PDE6C: variants seen among roughly 807,000 people sequenced by gnomAD.
The protein encoded by PDE6C is phosphodiesterase 6C.
In PDE6C, 75 loss-of-function variants were observed where a neutral mutation model predicts 113.1. The observed-to-expected ratio is 0.66, with a 90% CI of 0.55 to 0.80. The LOEUF is 0.80. Ranked by LOEUF, PDE6C falls within the 30% of genes least tolerant of loss-of-function variation. The pLI is 0.00. For missense variants in PDE6C, 912 were observed against 1,038.6 expected (o/e 0.88, Z 1.67); for synonymous variants, 375 against 363.7 (o/e 1.03, Z -0.35).
chr10:93,661,362 T>C (rs2058665014), intron 18 of PDE6C, among the ~76,000 whole-genome samples: 1 of 152,190 alleles, frequency 6.6e-6, no homozygotes, highest in Non-Finnish European at 1.5e-5. Flanking sequence ...ATTACTCTTG[T>C]TCTTCACAAT....
chr10:93,651,990 A>G (rs2058611407), intron 15 of PDE6C, among the ~76,000 whole-genome samples: 1 of 151,870 alleles, frequency 6.6e-6, no homozygotes, highest in Admixed American at 6.6e-5. Flanking sequence ...CAAACAAAAA[A>G]CCCAACTTGT....
chr10:93,627,258 C>CAAAAAA (rs57142181), intron 7 of PDE6C, among the ~76,000 whole-genome samples: 68 of 52,440 alleles, frequency 1.3e-3, no homozygotes, highest in African/African-American at 2.3e-3. Context: ...TGAAACTCCA[C>CAAAAAA]AAAAAAAAAA....
chr10:93,629,151 G>T, intron 7 of PDE6C, 107 bp from the exon 8 acceptor site: 3 of 905,962 alleles, frequency 3.3e-6, no homozygotes, highest in Non-Finnish European at 5.6e-6. Flanking sequence ...GTCAAGAGCC[G>T]TGTAGAAAAT....
chr10:93,648,994 C>T (rs12220915), intron 15 of PDE6C, among the ~76,000 whole-genome samples: 1 of 152,138 alleles, frequency 6.6e-6, no homozygotes, highest in African/African-American at 2.4e-5. Flanking sequence ...CTCTTGCGGG[C>T]GTCATAGGCA....
intron 11 of PDE6C, 145 bp downstream of exon 11, chr10:93,637,208 T>C (rs754940439): frequency 1.6e-6 from 1 of 643,372 alleles, no homozygotes; most frequent in Non-Finnish European, 2.8e-6. Context: ...GAAAGAATTC[T>C]TCTAAAGATT....
Position 93,663,175 on chromosome 10 carries a change from A to G in PDE6C, c.2515A>G (p.Lys839Glu), listed in dbSNP as rs1183291315. Reference protein sequence around the residue: ...EAKKQEGGAEKAAEDSGGGDD... With the variant: ...EAKKQEGGAEEAAEDSGGGDD... ...AAAAAAGCAAGAAGGAGGAGCCGAA[A>G]AAGGTTAGATGGGCTCTGTTTTTGC... Residue 839 changes from lysine to glutamate, a missense_variant, in exon 21 of 22, where the codon AAA (lysine) becomes GAA (glutamate). Physicochemically the swap from Lys to Glu is moderately conservative, Grantham distance 56. Coordinates refer to ENST00000371447, the MANE Select transcript of PDE6C (RefSeq NM_006204.4). 10 of 1,613,274 alleles carry G rather than the reference A, an allele frequency of 6.2e-6. No homozygotes were observed. Among genetic ancestry groups the G allele is most frequent in the South Asian group, 1.1e-5 (1 of 90,996 alleles).
intron 15 of PDE6C, among the ~76,000 whole-genome samples, chr10:93,648,684 C>T (rs2058595509): frequency 6.6e-6 from 1 of 152,052 alleles, no homozygotes; most frequent in Admixed American, 6.6e-5. Flanking sequence ...GTACTCTAAA[C>T]CAGACAGAAA....
intron 15 of PDE6C, among the ~76,000 whole-genome samples, chr10:93,646,880 G>A (rs1474771141): frequency 1.3e-5 from 2 of 152,174 alleles, no homozygotes; most frequent in Admixed American, 6.5e-5. Context: ...AGGTAGGCAT[G>A]ACGTAGCCAC....
chr10:93,631,659 C>T (rs1045583640), intron 8 of PDE6C, among the ~76,000 whole-genome samples: 4 of 152,210 alleles, frequency 2.6e-5, no homozygotes, highest in South Asian at 2.1e-4. Flanking sequence ...GACGGGTGAC[C>T]GCCCTCCCCA....
rs781079717 is a variant in PDE6C, at chr10:93,641,049, A to T, written c.1847+20A>T. The T allele has an allele frequency of 1.5e-6, 2 of 1,356,538 alleles. No homozygotes were observed. The highest frequency in any genetic ancestry group is 2.1e-6 in the Non-Finnish European group (2 of 944,886). The allele number at this position is 1,356,538 out of a possible 1,614,324, so 84.0% of individuals were successfully genotyped here. On this transcript the variant is annotated intron_variant, in intron 14 of 21. Transcript: ENST00000371447. The stretch of plus-strand genomic sequence containing the variant: ...GATGAAGTAAGTGAACACATGTCCA[A>T]TGTTGACACGTATTGGTGGACATTG...
At chr10:93,659,211 T>G (rs2058219489) in intron 18 of PDE6C, 44 bp downstream of exon 18, 1 of 1,293,090 alleles carries the variant, frequency 7.7e-7, no homozygotes, top group African/African-American at 1.5e-5. Flanking sequence ...TGTCAGGTAC[T>G]GCCTAGGTCC....
intron 1 of PDE6C, among the ~76,000 whole-genome samples, chr10:93,616,244 G>A (rs1011728527): frequency 6.6e-5 from 10 of 152,134 alleles, no homozygotes; most frequent in African/African-American, 2.4e-4. Flanking sequence ...CCATATCCCT[G>A]ACCACACACA....
At position 93,613,036 on chromosome 10, in the gene PDE6C, G is replaced by A. The variant is rs548437074; in HGVS notation, c.311G>A (p.Arg104Gln). Residue 104 changes from arginine to glutamine, a missense_variant, in exon 1 of 22, where the codon CGG becomes CAG. By Grantham distance (43) the Arg-to-Gln change is conservative (BLOSUM62 1). Transcript: ENST00000371447. ...DRCSMFLCRS[R>Q]NGIPEVASRL... is the part of the protein sequence containing the mutation. The stretch of plus-strand genomic sequence containing the variant: ...TGCAGCATGTTCCTGTGCCGGTCCC[G>A]GAACGGCATACCTGAGGTGGCCTCT... 16 of 1,614,054 alleles carry A rather than the reference G, an allele frequency of 9.9e-6. 1 individual carries two copies. The highest frequency in any genetic ancestry group is 3.3e-5 in the Admixed American group (2 of 60,004).
In PDE6C at chr10:93,663,125, A is replaced by C; in HGVS notation, c.2465A>C (p.Lys822Thr). Residue 822 changes from lysine to threonine, a missense_variant, in exon 21 of 22, where the codon AAG becomes ACG. Coordinates refer to ENST00000371447, the MANE Select transcript of PDE6C (RefSeq NM_006204.4). ...TCACTAGCTGATGAGTATGATGCAA[A>C]GATGAAGGTCATTGAAGAGGAGGCA... ...WKSLADEYDA[K>T]MKVIEEEAKK... 3 of 1,613,856 alleles carry C rather than the reference A, an allele frequency of 1.9e-6. No homozygotes were observed. The highest frequency in any genetic ancestry group is 4.5e-5 in the East Asian group (2 of 44,838).
chr10:93,620,600 C>T (rs1227971036), intron 1 of PDE6C, 32 bp from the exon 2 acceptor site: 1 of 1,612,406 alleles, frequency 6.2e-7, no homozygotes, highest in Non-Finnish European at 8.5e-7. Flanking sequence ...GATTTTGTGC[C>T]ACTTTGACAA....
chr10:93,645,016 A>C (rs894404321), intron 14 of PDE6C, among the ~76,000 whole-genome samples: 1 of 151,730 alleles, frequency 6.6e-6, no homozygotes, highest in African/African-American at 2.4e-5. Context: ...TATTTTGTTA[A>C]GTGAAATAAG....
intron 16 of PDE6C, among the ~76,000 whole-genome samples, chr10:93,658,630 T>G (rs1280625883): frequency 6.6e-6 from 1 of 151,970 alleles, no homozygotes; most frequent in Non-Finnish European, 1.5e-5. Flanking sequence ...ACTTTTTCGT[T>G]GTAATGTATT....
At chr10:93,618,593 A>G (rs558082438) in intron 1 of PDE6C, among the ~76,000 whole-genome samples, 2 of 152,280 alleles carry the variant, frequency 1.3e-5, no homozygotes, top group South Asian at 4.1e-4. Context: ...TTTACATCAC[A>G]TATTTCCTCT....
chr10:93,626,979 T>C lies in PDE6C; in HGVS notation c.1071+108T>C, dbSNP rs2058476141. The C allele has an allele frequency of 4.8e-6, 5 of 1,031,628 alleles. No individual in the cohort carries two copies. In the East Asian group the frequency reaches 7.8e-5, roughly 16 times the overall value. 63.9% of individuals were successfully genotyped at this position (1,031,628 alleles called of 1,614,324 possible). The stretch of plus-strand genomic sequence containing the variant: ...AAGAATGCATCCAATAAAAGCTAGA[T>C]GGGCCGGGCGCGGTGGCTCATGCCT... On this transcript the variant is annotated intron_variant, in intron 7 of 21. Transcript: ENST00000371447.
Sources: allele counts gnomAD v4.1 joint callset (sites outside exome capture counted in the v4.1 genomes callset), GRCh38; gene constraint gnomAD v4.1.1; transcripts MANE v1.5; gene names NCBI Gene and HGNC (gene_info 2026-07-23, HGNC 2026-07-21).